TSC22D1: variants seen among roughly 807,000 people sequenced by gnomAD.
The protein encoded by TSC22D1 is TSC22 domain family protein 1.
Under a neutral mutation model 74.2 loss-of-function variants are expected in TSC22D1, and 9 were observed. The ratio of observed to expected loss-of-function variants is 0.12; its 90% CI spans 0.07 to 0.21. TSC22D1 has a LOEUF of 0.21. TSC22D1 is among the 10% of genes least tolerant of loss of function. The pLI is 1.00. For missense variants in TSC22D1, 1,427 were observed against 1,304.7 expected (o/e 1.09, Z -1.44); for synonymous variants, 586 against 492.5 (o/e 1.19, Z -2.51).
chr13:44,573,246 G>T lies in TSC22D1; in HGVS notation c.2829C>A (p.Ser943Arg), dbSNP rs1483844176. The T allele has an allele frequency of 6.2e-7, 1 of 1,614,214 alleles. No homozygotes were observed. The highest frequency in any genetic ancestry group is 8.5e-7 in the Non-Finnish European group (1 of 1,180,046). Residue 943 changes from serine (S) to arginine (R), a missense_variant, in exon 1 of 3, where the codon AGC becomes AGA. This residue lies in a region of TSC22D1 where 1,343 missense variants were observed against 1,191.5 expected (regional missense o/e 1.13). Coordinates refer to ENST00000458659, the MANE Select transcript of TSC22D1 (RefSeq NM_183422.4). ...GGMSAVSDGS[S>R]SSLAASASLF... ...GAGAAGCAGAGGCTGCTAGGCTGCTGCTACTCCCATCTGAAACTGCTGACA... is the reference window on the plus strand; with the variant it reads ...GAGAAGCAGAGGCTGCTAGGCTGCTTCTACTCCCATCTGAAACTGCTGACA...
chr13:44,468,178 T>G (rs1877403026), intron 1 of TSC22D1, among the ~76,000 whole-genome samples: 1 of 152,134 alleles, frequency 6.6e-6, no homozygotes, highest in African/African-American at 2.4e-5. Context: ...GCCATGGGTA[T>G]GCAAAGGCAT....
rs774326369 is a variant in TSC22D1, at chr13:44,574,560, T to C, written c.1515A>G (p.Gln505=). ...CTTGGAGAGCTGGTTGTTGCTGTTG[T>C]TGTTGTTGTTGCTGCTGCTGCTGCT... is the stretch of plus-strand genomic sequence containing the variant. ...VVQQQQQQQQ[Q]QQQQPALQGV... The change falls in exon 1 of 3, where the codon CAA becomes CAG. Residue 505 remains glutamine (Q), a synonymous_variant. Transcript: ENST00000458659. 6.8e-6 allele frequency: 11 copies of C among 1,613,888 alleles called. No homozygotes were observed. The highest frequency in any genetic ancestry group is 9.3e-6 in the Non-Finnish European group (11 of 1,179,992).
rs1175243 is a variant in TSC22D1, at chr13:44,499,793, A to G, written c.2913-63698T>C. Reference sequence around the variant, plus strand: ...TCCATCTTTGCAATTGGCTACTAAAAAGCTCACAGCTAGCCGGGTGCAGTG... The same window carrying G: ...TCCATCTTTGCAATTGGCTACTAAAGAGCTCACAGCTAGCCGGGTGCAGTG... On this transcript the variant is annotated intron_variant, in intron 1 of 2. Transcript: ENST00000458659. Among the ~76,000 whole-genome samples the G allele has an allele frequency of 5.5e-3, 837 of 152,272 alleles. 13 individuals carry two copies. The highest frequency in any genetic ancestry group is 0.019 in the African/African-American group (786 of 41,548).
At chr13:44,438,430 G>A (rs747749943) in intron 1 of TSC22D1, among the ~76,000 whole-genome samples, 2 of 152,188 alleles carry the variant, frequency 1.3e-5, no homozygotes, top group African/African-American at 4.8e-5. Flanking sequence ...CTCAATGCTG[G>A]TAGTGGGGGT....
At chr13:44,501,586 T>C (rs900984944) in intron 1 of TSC22D1, among the ~76,000 whole-genome samples, 1 of 151,896 alleles carries the variant, frequency 6.6e-6, no homozygotes, top group Non-Finnish European at 1.5e-5. Flanking sequence ...AGCGTATTAG[T>C]AGGAATCAAG....
chr13:44,466,544 G>A (rs1031888846), intron 1 of TSC22D1, among the ~76,000 whole-genome samples: 4 of 150,780 alleles, frequency 2.7e-5, no homozygotes, highest in Non-Finnish European at 5.9e-5. Context: ...CATGGCAGGC[G>A]AATCGCTTGA....
At chr13:44,524,873 G>A (rs534323153) in intron 1 of TSC22D1, among the ~76,000 whole-genome samples, 190 of 152,174 alleles carry the variant, frequency 1.2e-3, no homozygotes, top group Non-Finnish European at 2.2e-3. Context: ...GCCCCATCAG[G>A]TTGTCAGGGT....
intron 1 of TSC22D1, among the ~76,000 whole-genome samples, chr13:44,491,279 C>T (rs1423069275): frequency 9.9e-5 from 15 of 152,162 alleles, no homozygotes; most frequent in East Asian, 5.8e-4. Context: ...AGAGGCCGGG[C>T]GCAGTGGCTC....
At chr13:44,489,759 G>C (rs894490939) in intron 1 of TSC22D1, among the ~76,000 whole-genome samples, 2 of 152,102 alleles carry the variant, frequency 1.3e-5, no homozygotes, top group African/African-American at 4.8e-5. Context: ...TATCCAAATA[G>C]TCTGTCTGCC....
At position 44,434,279 on chromosome 13, in the gene TSC22D1, G is replaced by C. The variant is rs747327003; in HGVS notation, c.*347C>G. 2.2e-6 allele frequency: 3 copies of C among 1,387,180 alleles called. No homozygotes were observed. The East Asian group carries it at 8.6e-5, about 40-fold the overall frequency. 85.9% of individuals were successfully genotyped at this position (1,387,180 alleles called of 1,614,324 possible). On this transcript the variant is annotated 3_prime_UTR_variant, in exon 3 of 3. Coordinates refer to ENST00000458659, the MANE Select transcript of TSC22D1 (RefSeq NM_183422.4). ...TGTAGGACACTAAGCGCAAGCAGGA[G>C]AGAGAACCCTTGGAAGTGAGGGGTA...
At chr13:44,559,216 C>A (rs1212173373) in intron 1 of TSC22D1, among the ~76,000 whole-genome samples, 1 of 152,162 alleles carries the variant, frequency 6.6e-6, no homozygotes, top group Non-Finnish European at 1.5e-5. Context: ...AAAGGAAAGA[C>A]TCAGATATCT....
intron 1 of TSC22D1, among the ~76,000 whole-genome samples, chr13:44,458,487 C>T (rs553210890): frequency 6.6e-6 from 1 of 152,298 alleles, no homozygotes; most frequent in African/African-American, 2.4e-5. Flanking sequence ...GGAGGCGCGG[C>T]GGGCATTGCA....
At chr13:44,540,171 A>G (rs991749842) in intron 1 of TSC22D1, 1 of 248,910 alleles carries the variant, frequency 4.0e-6, no homozygotes, top group Non-Finnish European at 8.1e-6. Context: ...TAAACCACTC[A>G]ACTCTGAGTG....
chr13:44,439,547 G>A (rs1875020574), intron 1 of TSC22D1, among the ~76,000 whole-genome samples: 1 of 152,232 alleles, frequency 6.6e-6, no homozygotes, highest in Admixed American at 6.5e-5. Flanking sequence ...TGCCTCATCA[G>A]AGCTCACTGA....
Position 44,561,465 on chromosome 13 carries a change from G to A in TSC22D1, c.2912+11698C>T, listed in dbSNP as rs184444337. Among the ~76,000 whole-genome samples, 238 of 152,246 alleles carry A rather than the reference G, an allele frequency of 1.6e-3. 1 individual carries two copies. Among genetic ancestry groups the A allele is most frequent in the African/African-American group, 5.5e-3 (230 of 41,548 alleles). On this transcript the variant is annotated intron_variant, in intron 1 of 2. Coordinates refer to ENST00000458659, the MANE Select transcript of TSC22D1 (RefSeq NM_183422.4). Reference sequence around the variant, plus strand: ...CCAGACTTCTCAATCTTACATTTAAGGCTTTTCAAAGTTAGCCTTATGTAT... The same window carrying A: ...CCAGACTTCTCAATCTTACATTTAAAGCTTTTCAAAGTTAGCCTTATGTAT...
intron 1 of TSC22D1, among the ~76,000 whole-genome samples, chr13:44,479,533 T>C (rs148021802): frequency 8.5e-5 from 13 of 152,282 alleles, no homozygotes; most frequent in Non-Finnish European, 1.8e-4. Context: ...TTGACTTGTA[T>C]ATCGTATAAT....
chr13:44,548,239 G>A (rs1881957132), intron 1 of TSC22D1, among the ~76,000 whole-genome samples: 1 of 152,124 alleles, frequency 6.6e-6, no homozygotes, highest in Non-Finnish European at 1.5e-5. Context: ...GACTGGGGCT[G>A]GGCGCGGTGG....
At chr13:44,532,132 G>A (rs1314572563) in intron 1 of TSC22D1, among the ~76,000 whole-genome samples, 2 of 152,184 alleles carry the variant, frequency 1.3e-5, no homozygotes, top group African/African-American at 4.8e-5. Context: ...AATGGGGACT[G>A]TACTTTTGTA....
chr13:44,551,527 T>C (rs1411887617), intron 1 of TSC22D1, among the ~76,000 whole-genome samples: 1 of 151,832 alleles, frequency 6.6e-6, no homozygotes, highest in Non-Finnish European at 1.5e-5. Flanking sequence ...TTCAAGCAAT[T>C]CTCGTGCCTC....
Sources: allele counts gnomAD v4.1 joint callset (sites outside exome capture counted in the v4.1 genomes callset), GRCh38; gene constraint gnomAD v4.1.1; regional missense constraint gnomAD v4.1.1; transcripts MANE v1.5; gene names NCBI Gene and HGNC (gene_info 2026-07-23, HGNC 2026-07-21).